The following DIP2C variants were observed in gnomAD, a reference collection of about 807,000 sequenced individuals.
The protein encoded by DIP2C is disco-interacting protein 2 homolog C.
In DIP2C, 33 loss-of-function variants were observed where a neutral mutation model predicts 192.4. The ratio of observed to expected loss-of-function variants is 0.17; its 90% CI spans 0.13 to 0.23. DIP2C has a LOEUF of 0.23. DIP2C is among the 10% of genes least tolerant of loss of function. DIP2C has a pLI of 1.00. For synonymous variants in DIP2C, 979 were observed against 864.1 expected (o/e 1.13, Z -2.33); for missense variants, 1,537 against 2,110.1 (o/e 0.73, Z 5.32).
At chr10:335,657 G>A (rs530033309) in intron 29 of DIP2C, among the ~76,000 whole-genome samples, 7 of 152,360 alleles carry the variant, frequency 4.6e-5, no homozygotes, top group African/African-American at 1.2e-4. Context: ...AGGCATCTTC[G>A]GCAGGAGTAT....
chr10:409,166 G>C (rs1392405823), intron 8 of DIP2C, 149 bp from the exon 9 acceptor site: 1 of 640,638 alleles, frequency 1.6e-6, no homozygotes, highest in Non-Finnish European at 2.6e-6. Flanking sequence ...GAGCAAAGGG[G>C]GAACTGGTAG....
chr10:275,123 T>G lies in DIP2C; in HGVS notation c.*2202A>C, dbSNP rs1328165374. 1 of 152,192 alleles carries G rather than the reference T, an allele frequency of 6.6e-6. No homozygotes were observed. The highest frequency in any genetic ancestry group is 2.4e-5 in the African/African-American group (1 of 41,428). The allele number at this position is 152,192 out of a possible 1,614,324, so 9.4% of individuals were successfully genotyped here. A position where few individuals can be genotyped will look rare whatever the true frequency, so the allele number is the denominator to read the frequency against. On this transcript the variant is annotated 3_prime_UTR_variant, in exon 37 of 37. Coordinates refer to ENST00000280886, the MANE Select transcript of DIP2C (RefSeq NM_014974.3). ...GAATGTAGAGTTGATCTGGTGACAG[T>G]TGAAATTATGTTTGAAGTGACATCT...
chr10:662,393 C>T (rs1173803985), intron 1 of DIP2C, among the ~76,000 whole-genome samples: 2 of 152,250 alleles, frequency 1.3e-5, no homozygotes, highest in East Asian at 3.8e-4. Context: ...CTTGCCCAGA[C>T]CTCACTCACC....
At chr10:602,000 C>G (rs1289939943) in intron 1 of DIP2C, among the ~76,000 whole-genome samples, 1 of 150,586 alleles carries the variant, frequency 6.6e-6, no homozygotes, top group East Asian at 2.0e-4. Flanking sequence ...AGTCCTGACT[C>G]TGGCCTTGTC....
intron 1 of DIP2C, among the ~76,000 whole-genome samples, chr10:682,344 GAAGA>G (rs1234260940): frequency 6.6e-6 from 1 of 152,154 alleles, no homozygotes; most frequent in Non-Finnish European, 1.5e-5. Context: ...ACCAATTTTA[GAAGA>G]AAGGGCAGAT....
intron 1 of DIP2C, among the ~76,000 whole-genome samples, chr10:535,696 A>G (rs1454191528): frequency 6.6e-6 from 1 of 152,146 alleles, no homozygotes; most frequent in Non-Finnish European, 1.5e-5. Context: ...CAGTCTGATC[A>G]TAAAAACTGT....
intron 1 of DIP2C, chr10:650,749 C>T: frequency 1.5e-6 from 1 of 651,134 alleles, no homozygotes; most frequent in Non-Finnish European, 2.9e-6. Context: ...GCTCACTTCC[C>T]TGCATAAGTT....
At chr10:547,633 G>A (rs1323494855) in intron 1 of DIP2C, among the ~76,000 whole-genome samples, 6 of 152,250 alleles carry the variant, frequency 3.9e-5, no homozygotes, top group Middle Eastern at 3.4e-3. Context: ...AAGATTATCC[G>A]ATTTGATCTT....
intron 1 of DIP2C, among the ~76,000 whole-genome samples, chr10:510,189 A>G (rs10466270): frequency 0.42 from 63,850 of 152,016 alleles, 14,582 homozygotes; most frequent in East Asian, 0.66. Flanking sequence ...CCCACTTTAC[A>G]CTCATTGGTT....
At chr10:452,475 G>A (rs1968929402) in intron 3 of DIP2C, among the ~76,000 whole-genome samples, 1 of 152,192 alleles carries the variant, frequency 6.6e-6, no homozygotes, top group Non-Finnish European at 1.5e-5. Flanking sequence ...AAGTGAGTCA[G>A]AATCTACCTC....
At chr10:432,640 G>A (rs879639076) in intron 4 of DIP2C, among the ~76,000 whole-genome samples, 2 of 151,950 alleles carry the variant, frequency 1.3e-5, no homozygotes, top group South Asian at 2.1e-4. Context: ...TTTCTCTACT[G>A]ATTTTCTGTT....
At chr10:428,114 C>T (rs1392449795) in intron 4 of DIP2C, among the ~76,000 whole-genome samples, 2 of 152,074 alleles carry the variant, frequency 1.3e-5, no homozygotes, top group African/African-American at 4.8e-5. Context: ...GCACGGACTT[C>T]AAAACAGGTG....
At chr10:514,697 G>A (rs1235316036) in intron 1 of DIP2C, among the ~76,000 whole-genome samples, 1 of 152,116 alleles carries the variant, frequency 6.6e-6, no homozygotes, top group Non-Finnish European at 1.5e-5. Flanking sequence ...GCTCCTGAGG[G>A]ACCTGGTCTT....
intron 1 of DIP2C, among the ~76,000 whole-genome samples, chr10:579,510 C>G (rs1588506950): frequency 6.6e-6 from 1 of 151,832 alleles, no homozygotes; most frequent in South Asian, 2.1e-4. Context: ...TATGTGTGTA[C>G]ATGCAGAGAG....
intron 32 of DIP2C, among the ~76,000 whole-genome samples, chr10:289,118 T>C (rs1458797870): frequency 1.3e-5 from 2 of 152,064 alleles, no homozygotes; most frequent in African/African-American, 4.8e-5. Context: ...TAAGGGGCAA[T>C]TTTTTTTATT....
intron 32 of DIP2C, among the ~76,000 whole-genome samples, chr10:288,991 G>A (rs1408226619): frequency 6.6e-6 from 1 of 152,198 alleles, no homozygotes; most frequent in African/African-American, 2.4e-5. Flanking sequence ...ATCGCAGCAG[G>A]CCACAACCAG....
chr10:356,643 G>C, intron 23 of DIP2C, 137 bp from the exon 24 acceptor site: 1 of 651,998 alleles, frequency 1.5e-6, no homozygotes. Context: ...TCTCTGCAGG[G>C]AGTTGAAGAC....
chr10:280,299 C>CA lies in DIP2C; in HGVS notation c.4418+900dup, dbSNP rs534333584. On this transcript the variant is annotated intron_variant, in intron 36 of 36. Coordinates refer to ENST00000280886, the MANE Select transcript of DIP2C (RefSeq NM_014974.3). The stretch of plus-strand genomic sequence containing the variant: ...GGAACAATCTCAGAACCCATCCTTT[C>CA]AACCCAGAAGAGCTGTTCATGAGAG... Among the ~76,000 whole-genome samples, 97 of 152,348 alleles carry CA rather than the reference C, an allele frequency of 6.4e-4. 1 individual carries two copies. Among genetic ancestry groups the CA allele is most frequent in the Middle Eastern group, 6.8e-3 (2 of 294 alleles).
intron 18 of DIP2C, 41 bp from the exon 19 acceptor site, chr10:366,452 C>T: frequency 6.2e-7 from 1 of 1,612,656 alleles, no homozygotes; most frequent in Non-Finnish European, 8.5e-7. Context: ...TGAGAGGGGG[C>T]AGGTGGGGAG....
Sources: gnomAD v4.1 joint callset for allele counts (sites outside exome capture counted in the v4.1 genomes callset) on GRCh38, gnomAD v4.1.1 for gene constraint, MANE v1.5 for transcripts, NCBI Gene and HGNC (gene_info 2026-07-23, HGNC 2026-07-21) for gene names.